SPARCL1: variants seen among roughly 807,000 people sequenced by gnomAD.
SPARCL1 encodes the protein SPARC like 1.
Under a neutral mutation model 67.1 loss-of-function variants are expected in SPARCL1, and 52 were observed. The observed-to-expected ratio is 0.78, with a 90% confidence interval of 0.62 to 0.98. The LOEUF (loss-of-function observed/expected upper bound fraction) is 0.98, where lower values mean the gene tolerates loss of function less well. Ranked by LOEUF, SPARCL1 falls within the 50% of genes least tolerant of loss-of-function variation. The pLI, the probability that SPARCL1 is intolerant of heterozygous loss-of-function variation, is 0.00. For synonymous variants in SPARCL1, 226 were observed against 267.8 expected (o/e 0.84, Z 1.52); for missense variants, 717 against 782.4 (o/e 0.92, Z 1.00).
At chr4:87,520,370 G>T (rs1255323666) in intron 1 of SPARCL1, among the ~76,000 whole-genome samples, 9 of 151,700 alleles carry the variant, frequency 5.9e-5, no homozygotes, top group African/African-American at 2.2e-4. Context: ...TCATCTTGCC[G>T]GAAAAAAAAG....
At chr4:87,524,383 C>G (rs570062629) in intron 1 of SPARCL1, among the ~76,000 whole-genome samples, 2 of 152,270 alleles carry the variant, frequency 1.3e-5, no homozygotes, top group South Asian at 4.1e-4. Flanking sequence ...ACCCAATAGT[C>G]CCACAGACAG....
intron 1 of SPARCL1, among the ~76,000 whole-genome samples, chr4:87,520,056 AT>A (rs1417871689): frequency 1.3e-5 from 2 of 152,072 alleles, no homozygotes; most frequent in African/African-American, 4.8e-5. Flanking sequence ...CCCAGCCAAC[AT>A]GGTGAAACCT....
chr4:87,477,320 T>G (rs958732589), intron 10 of SPARCL1, among the ~76,000 whole-genome samples: 2 of 152,178 alleles, frequency 1.3e-5, no homozygotes, highest in African/African-American at 4.8e-5. Flanking sequence ...AGTTTTCCCC[T>G]CTAGATAATG....
intron 1 of SPARCL1, among the ~76,000 whole-genome samples, chr4:87,520,202 T>C (rs1198265461): frequency 7.5e-6 from 1 of 133,452 alleles, no homozygotes; most frequent in Non-Finnish European, 1.5e-5. Context: ...ATTGCACCAC[T>C]GCACACTGTA....
chr4:87,526,874 A>C (rs2011326), intron 1 of SPARCL1, among the ~76,000 whole-genome samples: 48,389 of 152,100 alleles, frequency 0.32, 8,586 homozygotes, highest in East Asian at 0.54. Flanking sequence ...TCTTCACTTA[A>C]TTCTTACAAC....
At chr4:87,484,564 G>A (rs1178069121) in intron 7 of SPARCL1, among the ~76,000 whole-genome samples, 2 of 152,092 alleles carry the variant, frequency 1.3e-5, no homozygotes, top group Admixed American at 1.3e-4. Flanking sequence ...TTGGATATAT[G>A]GGCTCTTTTT....
chr4:87,499,553 G>T lies in SPARCL1; in HGVS notation c.22C>A (p.Leu8Ile). The T allele has an allele frequency of 1.3e-6, 2 of 1,591,332 alleles. No individual in the cohort carries two copies. Among genetic ancestry groups the T allele is most frequent in the Non-Finnish European group, 1.7e-6 (2 of 1,174,492 alleles). Residue 8 changes from leucine to isoleucine, a missense_variant, in exon 2 of 11, where the codon CTA becomes ATA. Physicochemically the swap from Leu to Ile is conservative, Grantham distance 5. Transcript: ENST00000282470. MKTGLFF[L>I]CLLGTAAAIP... ...GCAGCTGCAGTTCCCAAGAGACATA[G>T]GAAAAAAAGCCCAGTCTTCATGCTT...
At chr4:87,516,176 T>G (rs1725574928) in intron 1 of SPARCL1, among the ~76,000 whole-genome samples, 1 of 152,206 alleles carries the variant, frequency 6.6e-6, no homozygotes, top group Admixed American at 6.5e-5. Context: ...CAGCTTTGCA[T>G]CTGTCCTTGC....
At chr4:87,519,053 A>C (rs1725696988) in intron 1 of SPARCL1, among the ~76,000 whole-genome samples, 1 of 150,976 alleles carries the variant, frequency 6.6e-6, no homozygotes, top group African/African-American at 2.4e-5. Flanking sequence ...ATCTCAGGGT[A>C]CCTTCCTATC....
In SPARCL1 at chr4:87,493,923, A is replaced by G. The variant is rs557918293; in HGVS notation, c.877T>C (p.Trp293Arg). The G allele has an allele frequency of 1.2e-6, 2 of 1,614,116 alleles. No individual in the cohort carries two copies. The highest frequency in any genetic ancestry group is 4.5e-5 in the East Asian group (2 of 44,886). ...NVNKHIQETEWQSQEGKTGLE... is the reference protein window; with the variant it reads ...NVNKHIQETERQSQEGKTGLE... ...CCAGTTTTACCCTCTTGACTCTGCC[A>G]TTCAGTTTCTTGAATGTGCTTATTG... The change falls in exon 4 of 11, where the codon TGG becomes CGG. Residue 293 changes from tryptophan (W) to arginine (R), a missense_variant. By Grantham distance (101) the Trp-to-Arg change is moderately radical. Coordinates refer to ENST00000282470, the MANE Select transcript of SPARCL1 (RefSeq NM_004684.6).
At chr4:87,481,835 AT>A (rs1723835520) in intron 8 of SPARCL1, among the ~76,000 whole-genome samples, 1 of 152,144 alleles carries the variant, frequency 6.6e-6, no homozygotes, top group Non-Finnish European at 1.5e-5. Flanking sequence ...ATATATACTT[AT>A]TTGTTTAGAG....
At chr4:87,493,486 A>G (rs933995849) in intron 4 of SPARCL1, 96 bp downstream of exon 4, 1 of 1,059,914 alleles carries the variant, frequency 9.4e-7, no homozygotes, top group Non-Finnish European at 1.4e-6. Flanking sequence ...ACTAGTAGAC[A>G]TCCATACAGG....
intron 1 of SPARCL1, among the ~76,000 whole-genome samples, chr4:87,520,308 T>G (rs977304191): frequency 6.7e-6 from 1 of 149,174 alleles, no homozygotes; most frequent in African/African-American, 2.5e-5. Context: ...GCCTAAATAA[T>G]TCACTAATTT....
At chr4:87,487,223 A>T (rs1724115004) in intron 7 of SPARCL1, among the ~76,000 whole-genome samples, 1 of 151,922 alleles carries the variant, frequency 6.6e-6, no homozygotes, top group African/African-American at 2.4e-5. Context: ...TTTTGCAGTG[A>T]CTGGTACTGG....
At chr4:87,520,073 C>G (rs533070157) in intron 1 of SPARCL1, among the ~76,000 whole-genome samples, 2 of 152,054 alleles carry the variant, frequency 1.3e-5, no homozygotes, top group Admixed American at 1.3e-4. Flanking sequence ...AACCTCATCT[C>G]TACTAAAAAT....
chr4:87,490,238 A>G, intron 7 of SPARCL1, 35 bp downstream of exon 7: 1 of 1,582,886 alleles, frequency 6.3e-7, no homozygotes, highest in Non-Finnish European at 8.6e-7. Context: ...AAGCCCTCTC[A>G]GAGATGATGG....
At chr4:87,522,933 G>A (rs1725886250) in intron 1 of SPARCL1, among the ~76,000 whole-genome samples, 1 of 152,080 alleles carries the variant, frequency 6.6e-6, no homozygotes, top group South Asian at 2.1e-4. Context: ...TCTTCATTTT[G>A]AGCAGCAAAG....
At chr4:87,496,188 T>A (rs1724612081) in intron 2 of SPARCL1, among the ~76,000 whole-genome samples, 1 of 152,118 alleles carries the variant, frequency 6.6e-6, no homozygotes, top group Non-Finnish European at 1.5e-5. Context: ...GTCGTTAATA[T>A]TTTTTATTAA....
rs143546329 is a variant in SPARCL1 at position 87,499,522 on chromosome 4, G to A, written c.53C>T (p.Pro18Leu). The A allele has an allele frequency of 4.4e-6, 7 of 1,602,640 alleles. No homozygotes were observed. The highest frequency in any genetic ancestry group is 6.0e-6 in the Non-Finnish European group (7 of 1,176,180). Residue 18 changes from proline to leucine, a missense_variant and splice_region_variant, in exon 2 of 11, where the codon CCG (proline) becomes CTG (leucine). By Grantham distance (98) the Pro-to-Leu change is moderately conservative. Coordinates refer to ENST00000282470, the MANE Select transcript of SPARCL1 (RefSeq NM_004684.6). The stretch of plus-strand genomic sequence containing the variant: ...AATAACAGAAGAAAGGAAATTTACC[G>A]GGATTGCAGCTGCAGTTCCCAAGAG... ...LCLLGTAAAI[P>L]TNARLLSDHS...
Sources: allele counts gnomAD v4.1 joint callset (sites outside exome capture counted in the v4.1 genomes callset), GRCh38; gene constraint gnomAD v4.1.1; transcripts MANE v1.5; gene names NCBI Gene and HGNC (gene_info 2026-07-23, HGNC 2026-07-21).